Variants in LDLRAD4 observed in about 807,000 individuals in gnomAD.
LDLRAD4 encodes the protein low density lipoprotein receptor class A domain containing 4.
In LDLRAD4, 5 loss-of-function variants were observed where a neutral mutation model predicts 17.0. The ratio of observed to expected loss-of-function variants is 0.29; its 90% confidence interval spans 0.15 to 0.62. The LOEUF is 0.62. Among genes scored for constraint, LDLRAD4 ranks in the 20% least tolerant of loss-of-function variants. The pLI is 0.84. For missense variants in LDLRAD4, 340 were observed against 424.7 expected (o/e 0.80, Z 1.75); for synonymous variants, 168 against 171.8 (o/e 0.98, Z 0.17).
intron 1 of LDLRAD4, among the ~76,000 whole-genome samples, chr18:13,328,441 T>C (rs1167209075): frequency 6.6e-6 from 1 of 152,220 alleles, no homozygotes; most frequent in Non-Finnish European, 1.5e-5. Flanking sequence ...TTCCCACCCT[T>C]GAAGTGCCTG....
intron 1 of LDLRAD4, among the ~76,000 whole-genome samples, chr18:13,314,834 C>T (rs1286696842): frequency 6.6e-6 from 1 of 152,146 alleles, no homozygotes; most frequent in Non-Finnish European, 1.5e-5. Context: ...CACTTGTGTT[C>T]TCCTCAAGGC....
chr18:13,417,661 C>G (rs969612605), intron 2 of LDLRAD4, among the ~76,000 whole-genome samples: 15 of 152,280 alleles, frequency 9.9e-5, no homozygotes, highest in African/African-American at 3.4e-4. Context: ...GTCTCGATCT[C>G]CTGACCTAGT....
intron 1 of LDLRAD4, among the ~76,000 whole-genome samples, chr18:13,272,823 C>T (rs1026301200): frequency 2.0e-5 from 3 of 152,164 alleles, no homozygotes; most frequent in African/African-American, 4.8e-5. Context: ...TTACCATGAC[C>T]GCTAGCTCTT....
intron 3 of LDLRAD4, among the ~76,000 whole-genome samples, chr18:13,497,333 T>C (rs1568255356): frequency 7.1e-6 from 1 of 140,842 alleles, no homozygotes; most frequent in African/African-American, 2.4e-5. Flanking sequence ...CATGCCACCA[T>C]GCCTAGCTAA....
At chr18:13,610,573 C>G (rs1233321809) in intron 3 of LDLRAD4, among the ~76,000 whole-genome samples, 1 of 152,092 alleles carries the variant, frequency 6.6e-6, no homozygotes, top group Non-Finnish European at 1.5e-5. Flanking sequence ...AGGCTTGAGC[C>G]ACCGTGCCTG....
At chr18:13,462,835 A>C (rs1430010999) in intron 3 of LDLRAD4, among the ~76,000 whole-genome samples, 1 of 152,126 alleles carries the variant, frequency 6.6e-6, no homozygotes, top group Non-Finnish European at 1.5e-5. Flanking sequence ...GTAGCCAGAG[A>C]GGTTCAGCCT....
At chr18:13,267,037 G>T (rs930547202) in intron 1 of LDLRAD4, among the ~76,000 whole-genome samples, 3 of 152,240 alleles carry the variant, frequency 2.0e-5, no homozygotes, top group Non-Finnish European at 4.4e-5. Flanking sequence ...GGTAATGGTG[G>T]CAAGGGAGAG....
Position 13,621,732 on chromosome 18 carries a change from T to G in LDLRAD4, c.336+461T>G, listed in dbSNP as rs9958587. Among the ~76,000 whole-genome samples the G allele has an allele frequency of 6.6e-6, 1 of 152,088 alleles. No individual in the cohort carries two copies. Among genetic ancestry groups the G allele is most frequent in the Non-Finnish European group, 1.5e-5 (1 of 67,998 alleles). ...ACGTGCCGGCAGCACATGGGTGCCA[T>G]GAGCTGGAGGACGCCTGGAGCTTAA... On this transcript the variant is annotated intron_variant, in intron 4 of 5. Transcript: ENST00000359446. The surrounding 1 kb of genome is among the most constrained non-coding windows in gnomAD (Gnocchi z 5.5).
intron 3 of LDLRAD4, among the ~76,000 whole-genome samples, chr18:13,610,280 T>C (rs2039387267): frequency 4.5e-5 from 2 of 44,588 alleles, no homozygotes; most frequent in Non-Finnish European, 9.2e-5. Context: ...TTTTTTTTTT[T>C]TTTTTTTTTT....
chr18:13,247,905 G>A (rs1428478042), intron 1 of LDLRAD4, among the ~76,000 whole-genome samples: 1 of 151,350 alleles, frequency 6.6e-6, no homozygotes, highest in Non-Finnish European at 1.5e-5. Context: ...TTATTGTTCA[G>A]TGTGACCCAG....
At chr18:13,323,020 C>T (rs537668778) in intron 1 of LDLRAD4, among the ~76,000 whole-genome samples, 1 of 152,292 alleles carries the variant, frequency 6.6e-6, no homozygotes, top group South Asian at 2.1e-4. Context: ...TCTTTTTCTT[C>T]ACAAATAGTT....
chr18:13,603,668 AGTT>A (rs2095189687), intron 3 of LDLRAD4, among the ~76,000 whole-genome samples: 1 of 152,176 alleles, frequency 6.6e-6, no homozygotes, highest in Admixed American at 6.5e-5. Flanking sequence ...TCTCAGTGTT[AGTT>A]GTTGTCAGTA....
intron 3 of LDLRAD4, among the ~76,000 whole-genome samples, chr18:13,549,596 C>T (rs1249446072): frequency 6.6e-6 from 1 of 151,324 alleles, no homozygotes; most frequent in Non-Finnish European, 1.5e-5. Flanking sequence ...GAGCTGTGAG[C>T]GTGAAACATA....
intron 3 of LDLRAD4, among the ~76,000 whole-genome samples, chr18:13,582,888 T>G (rs1013777986): frequency 1.3e-5 from 2 of 152,100 alleles, no homozygotes; most frequent in Non-Finnish European, 2.9e-5. Context: ...ATTTTTAAAT[T>G]TTACATTTTG....
At chr18:13,384,069 GC>G (rs1176553034) in intron 1 of LDLRAD4, among the ~76,000 whole-genome samples, 2 of 152,058 alleles carry the variant, frequency 1.3e-5, no homozygotes, top group African/African-American at 4.8e-5. Context: ...AAAAATCCTG[GC>G]CATGACCACG....
intron 3 of LDLRAD4, among the ~76,000 whole-genome samples, chr18:13,524,110 C>G (rs968244026): frequency 4.6e-5 from 7 of 152,226 alleles, no homozygotes; most frequent in Middle Eastern, 3.2e-3. Flanking sequence ...CCTCGGTCTT[C>G]CAGGTCGGGA....
chr18:13,634,577 A>C (rs2041928598), intron 4 of LDLRAD4, among the ~76,000 whole-genome samples: 1 of 152,180 alleles, frequency 6.6e-6, no homozygotes, highest in African/African-American at 2.4e-5. Flanking sequence ...AAATACAAAT[A>C]AATGGAAAGA....
chr18:13,228,614 T>C (rs2041924911), intron 1 of LDLRAD4, among the ~76,000 whole-genome samples: 1 of 152,246 alleles, frequency 6.6e-6, no homozygotes, highest in African/African-American at 2.4e-5. Context: ...GCTATGAAGA[T>C]AAATCTTGAC....
chr18:13,641,895 C>G (rs1436028062), intron 4 of LDLRAD4: 2 of 985,514 alleles, frequency 2.0e-6, no homozygotes, highest in Admixed American at 1.2e-4. Flanking sequence ...CTGAGTGCCC[C>G]GCAGATGGAC....
Sources: allele counts gnomAD v4.1 joint callset (sites outside exome capture counted in the v4.1 genomes callset), GRCh38; gene constraint gnomAD v4.1.1; non-coding constraint Gnocchi (gnomAD v3.1); transcripts MANE v1.5; gene names NCBI Gene and HGNC (gene_info 2026-07-23, HGNC 2026-07-21).